The following ABR variants were observed in gnomAD, a reference collection of about 807,000 sequenced individuals.
ABR encodes ABR activator of RhoGEF and GTPase.
A neutral mutation model predicts 107.2 loss-of-function variants in ABR; 35 were observed. The ratio of observed to expected loss-of-function variants is 0.33; its 90% CI spans 0.25 to 0.43. The LOEUF is 0.43. Among genes scored for constraint, ABR ranks in the 20% least tolerant of loss-of-function variants. The pLI, the probability that ABR is intolerant of heterozygous loss-of-function variation, is 1.00. For synonymous variants in ABR, 498 were observed against 462.0 expected (o/e 1.08, Z -1.00); for missense variants, 815 against 1,115.2 (o/e 0.73, Z 3.83).
At chr17:1,114,898 T>C (rs2038913398) in intron 2 of ABR, among the ~76,000 whole-genome samples, 1 of 152,220 alleles carries the variant, frequency 6.6e-6, no homozygotes, top group Non-Finnish European at 1.5e-5. Context: ...TAATATTTAC[T>C]GAGCACCTAC....
Position 1,210,735 on chromosome 17 carries a change from A to G in ABR, c.838+18058T>C, listed in dbSNP as rs554847946. Among the ~76,000 whole-genome samples, 2 of 152,204 alleles carry G rather than the reference A, an allele frequency of 1.3e-5. No homozygotes were observed. Among genetic ancestry groups the G allele is most frequent in the African/African-American group, 2.4e-5 (1 of 41,436 alleles). Reference sequence around the variant, plus strand: ...CTTTATCAACCAACTGGCAACTCCTATCTACTCACACACAAACTCAAAAGG... The same window carrying G: ...CTTTATCAACCAACTGGCAACTCCTGTCTACTCACACACAAACTCAAAAGG... On this transcript the variant is annotated intron_variant, in intron 1 of 22. Transcript: ENST00000574139. This position sits in a 1 kb window ranked among gnomAD's most constrained non-coding sequence, Gnocchi z 5.6.
upstream of ABR, among the ~76,000 whole-genome samples, chr17:1,190,027 T>G (rs921497558): frequency 6.6e-6 from 1 of 152,176 alleles, no homozygotes; most frequent in African/African-American, 2.4e-5. Flanking sequence ...GGTTGAGACG[T>G]CGCGTCGAGA....
intron 16 of ABR, among the ~76,000 whole-genome samples, chr17:1,035,432 C>T (rs185195449): frequency 1.3e-5 from 1 of 77,000 alleles, no homozygotes; most frequent in Non-Finnish European, 2.6e-5. Context: ...CCTACACCTG[C>T]TCCCCCCACC....
intron 1 of ABR, among the ~76,000 whole-genome samples, chr17:1,134,242 G>T (rs950720299): frequency 2.6e-5 from 4 of 151,888 alleles, no homozygotes; most frequent in Non-Finnish European, 4.4e-5. Context: ...ATGAAACCCC[G>T]TCTGTACTAA....
chr17:1,214,533 G>T (rs1206305021), intron 1 of ABR, among the ~76,000 whole-genome samples: 1 of 152,156 alleles, frequency 6.6e-6, no homozygotes, highest in East Asian at 1.9e-4. Context: ...CGGGTGCAGT[G>T]GCTCATGCCT....
chr17:1,060,228 T>G (rs956233776), intron 10 of ABR, among the ~76,000 whole-genome samples: 1 of 151,908 alleles, frequency 6.6e-6, no homozygotes, highest in Non-Finnish European at 1.5e-5. Context: ...CTGGCCAACG[T>G]GGTGAAACTC....
Position 1,057,974 on chromosome 17 carries a change from C to T in ABR, c.1377G>A (p.Lys459=), listed in dbSNP as rs1239072876. 2 of 1,613,508 alleles carry T rather than the reference C, an allele frequency of 1.2e-6. No individual in the cohort carries two copies. The highest frequency in any genetic ancestry group is 1.7e-6 in the Non-Finnish European group (2 of 1,179,690). The part of the protein sequence containing the change: ...EWREAIQKLQ[K]KDLQAFVLSS... ...GTGGAAGAGGCAGGAATTTACCCTT[C>T]TTCTGTAGTTTCTGAATTGCTTCTC... The change falls in exon 12 of 23, where the codon AAG becomes AAA. Residue 459 remains lysine, a synonymous_variant. Coordinates refer to ENST00000302538, the MANE Select transcript of ABR (RefSeq NM_021962.5).
At chr17:1,203,882 G>T (rs905249924) in intron 1 of ABR, among the ~76,000 whole-genome samples, 1 of 152,146 alleles carries the variant, frequency 6.6e-6, no homozygotes, top group Non-Finnish European at 1.5e-5. Context: ...CGCCTGACGC[G>T]GGAGGAGAAA....
chr17:1,029,561 G>C (rs2072538829), intron 16 of ABR, among the ~76,000 whole-genome samples: 1 of 152,178 alleles, frequency 6.6e-6, no homozygotes, highest in African/African-American at 2.4e-5. Context: ...AGTTAACGAG[G>C]AGTTAATGAG....
At chr17:1,009,156 CCTGCTGTCTGTCCCCCA>C (rs1158481276) in intron 21 of ABR, among the ~76,000 whole-genome samples, 3 of 151,494 alleles carry the variant, frequency 2.0e-5, no homozygotes, top group African/African-American at 7.3e-5. Flanking sequence ...AATGTATCCT[CCTGCTGTCTGTCCCCCA>C]CTGCTGTCCA....
intron 1 of ABR, among the ~76,000 whole-genome samples, chr17:1,216,953 T>C (rs2043021802): frequency 1.3e-5 from 2 of 152,190 alleles, no homozygotes; most frequent in South Asian, 4.2e-4. Context: ...GGGAGCCCCA[T>C]AATGAAGCCC....
In ABR at chr17:1,038,648, T is replaced by C. The variant is rs557528445; in HGVS notation, c.1791+11402A>G. Among the ~76,000 whole-genome samples, 3 of 152,248 alleles carry C rather than the reference T, an allele frequency of 2.0e-5. No homozygotes were observed. The East Asian group carries it at 5.8e-4, about 29-fold the overall frequency. On this transcript the variant is annotated intron_variant, in intron 16 of 22. Transcript: ENST00000302538. Reference sequence around the variant, plus strand: ...TTAGACCCTCGCCCAGCACCACCAATGTCCACGCCCCCAGGCCACGGCAAG... The same window carrying C: ...TTAGACCCTCGCCCAGCACCACCAACGTCCACGCCCCCAGGCCACGGCAAG...
At chr17:1,145,197 A>G (rs1725025490) in intron 1 of ABR, among the ~76,000 whole-genome samples, 1 of 152,164 alleles carries the variant, frequency 6.6e-6, no homozygotes, top group Non-Finnish European at 1.5e-5. Context: ...CGCAGAGCCA[A>G]TGCTCAGTAA....
chr17:1,148,735 G>A lies in ABR; in HGVS notation c.62-23368C>T, dbSNP rs533134259. ...CTTCCACGAAGCCGGTCCCTGGTGCGCTGGTTTCACAGATGCGGAGTCTCA... is the reference window on the plus strand; with the variant it reads ...CTTCCACGAAGCCGGTCCCTGGTGCACTGGTTTCACAGATGCGGAGTCTCA... On this transcript the variant is annotated intron_variant, in intron 1 of 22. Coordinates refer to ENST00000302538, the MANE Select transcript of ABR (RefSeq NM_021962.5). This position sits in a 1 kb window ranked among gnomAD's most constrained non-coding sequence, Gnocchi z 4.9. 5.3e-5 allele frequency among the ~76,000 whole-genome samples: 8 copies of A among 152,314 alleles called. No individual in the cohort carries two copies. In the South Asian group the frequency reaches 8.3e-4, roughly 16 times the overall value.
chr17:1,086,502 C>CT (rs11288862), intron 4 of ABR, among the ~76,000 whole-genome samples: 2,933 of 140,550 alleles, frequency 0.021, 129 homozygotes, highest in African/African-American at 0.067. Flanking sequence ...TACTTATACA[C>CT]TTTTTTTTTT....
At chr17:1,029,686 C>T (rs1241135363) in intron 16 of ABR, among the ~76,000 whole-genome samples, 2 of 152,158 alleles carry the variant, frequency 1.3e-5, no homozygotes, top group South Asian at 2.1e-4. Context: ...AGGAAAATGC[C>T]AGGTTAATGT....
At chr17:1,054,629 T>A (rs111094262) in intron 14 of ABR, among the ~76,000 whole-genome samples, 1 of 10,030 alleles carries the variant, frequency 1.0e-4, no homozygotes, top group African/African-American at 4.4e-4. Context: ...TCAGGGGATG[T>A]GGGCACAAGG....
intron 1 of ABR, among the ~76,000 whole-genome samples, chr17:1,198,385 T>C (rs1468712302): frequency 6.6e-6 from 1 of 151,526 alleles, no homozygotes; most frequent in Admixed American, 6.6e-5. Context: ...CAAGGAGAGC[T>C]TGGCCTGAGA....
rs547065302 is a variant in ABR at position 1,079,032 on chromosome 17, G to A, written c.700+298C>T. 3.6e-5 allele frequency: 51 copies of A among 1,405,344 alleles called. 1 individual carries two copies. Among genetic ancestry groups the A allele is most frequent in the Middle Eastern group, 4.8e-4 (2 of 4,176 alleles). 87.1% of individuals were successfully genotyped at this position (1,405,344 alleles called of 1,614,324 possible). ...GGGGGAGGGGAGGGAGGCGCGTGGC[G>A]AGGAGAGGAGGGAAGGGGAAGGGGA... On this transcript the variant is annotated intron_variant, in intron 6 of 22. Transcript: ENST00000302538.
Sources: allele counts gnomAD v4.1 joint callset (sites outside exome capture counted in the v4.1 genomes callset), GRCh38; gene constraint gnomAD v4.1.1; non-coding constraint Gnocchi (gnomAD v3.1); transcripts MANE v1.5; gene names NCBI Gene and HGNC (gene_info 2026-07-23, HGNC 2026-07-21).